The following MINDY2 variants were observed in gnomAD, a reference collection of about 807,000 sequenced individuals.
MINDY2 encodes the protein ubiquitin carboxyl-terminal hydrolase MINDY-2.
MINDY2 carries 52 observed loss-of-function variants against 68.2 expected under a neutral mutation model. The observed-to-expected ratio is 0.76, with a 90% confidence interval of 0.61 to 0.96. The LOEUF is 0.96. Ranked by LOEUF, MINDY2 falls within the 40% of genes least tolerant of loss-of-function variation. The pLI, the probability that MINDY2 is intolerant of heterozygous loss-of-function variation, is 0.00. For synonymous variants in MINDY2, 372 were observed against 303.0 expected, an observed-to-expected ratio of 1.23 and a Z score of -2.36; for missense variants, 881 against 773.4, an observed-to-expected ratio of 1.14 and a Z score of -1.65.
chr15:58,796,149 A>G (rs1902268942), intron 2 of MINDY2: 1 of 455,906 alleles, frequency 2.2e-6, no homozygotes, highest in Non-Finnish European at 4.4e-6. Context: ...TTTGGGTACA[A>G]ATGGGTATGG....
intron 5 of MINDY2, among the ~76,000 whole-genome samples, chr15:58,831,041 G>GTGTGTGTGTGTA (rs565786025): frequency 1.2e-4 from 15 of 124,904 alleles, no homozygotes; most frequent in African/African-American, 4.5e-4. Context: ...GTGTGTGTGT[G>GTGTGTGTGTGTA]TATATATATA....
At chr15:58,782,522 G>A (rs1901213659) in intron 1 of MINDY2, among the ~76,000 whole-genome samples, 3 of 152,182 alleles carry the variant, frequency 2.0e-5, no homozygotes, top group African/African-American at 7.2e-5. Flanking sequence ...CAATTGTATG[G>A]ATCTTAATTT....
chr15:58,800,165 T>G (rs145829831), intron 2 of MINDY2, among the ~76,000 whole-genome samples: 130 of 152,338 alleles, frequency 8.5e-4, no homozygotes, highest in Non-Finnish European at 1.5e-3. Context: ...TTCCATTTTT[T>G]TGGCCTAAAG....
intron 1 of MINDY2, among the ~76,000 whole-genome samples, chr15:58,773,422 C>T (rs139473342): frequency 8.5e-5 from 13 of 152,334 alleles, no homozygotes; most frequent in African/African-American, 2.6e-4. Context: ...AATTAGAAAC[C>T]TTGCCATTGT....
At position 58,771,363 on chromosome 15, in the gene MINDY2, G is replaced by A; in HGVS notation, c.-33G>A. ...GCGCTGGCTGCGGAGAAGTGGCCGCGGTCTCCATAGAGCTGGGGGCGGGCG... is the reference window on the plus strand; with the variant it reads ...GCGCTGGCTGCGGAGAAGTGGCCGCAGTCTCCATAGAGCTGGGGGCGGGCG... On this transcript the variant is annotated 5_prime_UTR_variant, in exon 1 of 9. Coordinates refer to ENST00000559228, the MANE Select transcript of MINDY2 (RefSeq NM_001040450.3). 6.3e-7 allele frequency: 1 copy of A among 1,580,142 alleles called. No individual in the cohort carries two copies. Among genetic ancestry groups the A allele is most frequent in the Middle Eastern group, 1.9e-4 (1 of 5,150 alleles).
intron 2 of MINDY2, among the ~76,000 whole-genome samples, chr15:58,801,382 A>T (rs1902646482): frequency 6.0e-5 from 1 of 16,790 alleles, no homozygotes; most frequent in South Asian, 1.4e-3. Context: ...CCATCTCTTA[A>T]AAAAAAAAAA....
At chr15:58,806,525 C>G (rs1283677986) in intron 3 of MINDY2, among the ~76,000 whole-genome samples, 1 of 151,784 alleles carries the variant, frequency 6.6e-6, no homozygotes, top group African/African-American at 2.4e-5. Flanking sequence ...TAACTGGCCT[C>G]TTTTAACCGT....
At chr15:58,823,997 A>G (rs1433487529) in intron 5 of MINDY2, among the ~76,000 whole-genome samples, 1 of 152,208 alleles carries the variant, frequency 6.6e-6, no homozygotes, top group African/African-American at 2.4e-5. Flanking sequence ...ATACCAGAGT[A>G]TGCTATTCAG....
rs1027243304 is a variant in MINDY2, at chr15:58,858,467, A to G, written c.*3857A>G. 9 of 152,174 alleles carry G rather than the reference A, an allele frequency of 5.9e-5. No homozygotes were observed. Among genetic ancestry groups the G allele is most frequent in the East Asian group, 5.8e-4 (3 of 5,200 alleles). The allele number at this position is 152,174 out of a possible 1,614,324, so 9.4% of individuals were successfully genotyped here. ...TTGCTTTCAATGAATCAGAAAGTCA[A>G]TTCACTAAGAGACAGATCATGAGAG... On this transcript the variant is annotated 3_prime_UTR_variant, in exon 9 of 9. Transcript: ENST00000559228.
intron 5 of MINDY2, among the ~76,000 whole-genome samples, chr15:58,822,270 AAGAAGT>A (rs1253844822): frequency 2.6e-5 from 4 of 151,912 alleles, no homozygotes; most frequent in African/African-American, 9.7e-5. Context: ...AAAAAAGAAG[AAGAAGT>A]AATCATTCAT....
intron 5 of MINDY2, among the ~76,000 whole-genome samples, chr15:58,823,760 G>A (rs542919403): frequency 6.6e-6 from 1 of 152,254 alleles, no homozygotes; most frequent in Non-Finnish European, 1.5e-5. Flanking sequence ...AGGCAGCAGT[G>A]TTCAAATTTT....
intron 4 of MINDY2, among the ~76,000 whole-genome samples, chr15:58,814,828 A>C (rs1272923753): frequency 1.4e-5 from 2 of 138,744 alleles, no homozygotes; most frequent in South Asian, 2.2e-4. Flanking sequence ...ACGGCGTGTC[A>C]CTGTATGACA....
At chr15:58,784,482 G>C (rs1357903596) in intron 1 of MINDY2, among the ~76,000 whole-genome samples, 2 of 151,996 alleles carry the variant, frequency 1.3e-5, no homozygotes, top group African/African-American at 4.8e-5. Flanking sequence ...ATTTTACGGA[G>C]AATATTTAAA....
In MINDY2 at chr15:58,851,839, G is replaced by A. The variant is rs186737312; in HGVS notation, c.1611G>A (p.Pro537=). ...QSQEINWEQI[P]EGISDLELAK... is the part of the protein sequence containing the mutation. The stretch of plus-strand genomic sequence containing the variant: ...AAGAGATCAATTGGGAACAAATCCC[G>A]GAAGGAATCAGTGATTTGGAACTAG... The change falls in exon 8 of 9, where the codon CCG becomes CCA. Residue 537 remains proline (P), a synonymous_variant. Coordinates refer to ENST00000559228, the MANE Select transcript of MINDY2 (RefSeq NM_001040450.3). The A allele has an allele frequency of 1.9e-5, 31 of 1,612,682 alleles. No individual in the cohort carries two copies. Among genetic ancestry groups the A allele is most frequent in the East Asian group, 8.9e-5 (4 of 44,708 alleles).
intron 7 of MINDY2, among the ~76,000 whole-genome samples, chr15:58,848,669 CA>C (rs1284344582): frequency 6.6e-6 from 1 of 152,084 alleles, no homozygotes; most frequent in Admixed American, 6.5e-5. Context: ...TGGCATGAAC[CA>C]AGGAGGCAGA....
chr15:58,810,193 G>A, intron 3 of MINDY2, 37 bp from the exon 4 acceptor site: 1 of 1,545,194 alleles, frequency 6.5e-7, no homozygotes, highest in Non-Finnish European at 8.7e-7. Flanking sequence ...TCGTTTTGAT[G>A]TTTCTGAATT....
intron 4 of MINDY2, among the ~76,000 whole-genome samples, chr15:58,814,786 A>C (rs2140984431): frequency 6.8e-6 from 1 of 146,946 alleles, no homozygotes; most frequent in Non-Finnish European, 1.5e-5. Flanking sequence ...AATATTCTTT[A>C]ATTTTAACTT....
At chr15:58,840,125 G>T (rs1023017212) in intron 6 of MINDY2, among the ~76,000 whole-genome samples, 1 of 152,060 alleles carries the variant, frequency 6.6e-6, no homozygotes, top group African/African-American at 2.4e-5. Flanking sequence ...TGAGCCACGC[G>T]TTTGGCCTCG....
intron 2 of MINDY2, among the ~76,000 whole-genome samples, chr15:58,791,444 C>T (rs1567043953): frequency 1.3e-5 from 2 of 151,030 alleles, no homozygotes; most frequent in South Asian, 2.1e-4. Flanking sequence ...GTGAGACCCC[C>T]ATCTCCACTT....
Sources: allele counts gnomAD v4.1 joint callset (sites outside exome capture counted in the v4.1 genomes callset), GRCh38; gene constraint gnomAD v4.1.1; transcripts MANE v1.5; gene names NCBI Gene and HGNC (gene_info 2026-07-23, HGNC 2026-07-21).